Variants in CNBD1 observed in about 807,000 individuals in gnomAD.
The protein encoded by CNBD1 is cyclic nucleotide binding domain containing 1, also known as cyclic nucleotide-binding domain-containing protein 1.
Under a neutral mutation model 54.4 loss-of-function variants are expected in CNBD1, and 71 were observed. The ratio of observed to expected loss-of-function variants is 1.30; its 90% CI spans 1.08 to 1.59. CNBD1 has a LOEUF of 1.59. CNBD1 is among the 40% of genes most tolerant of loss of function. The pLI is 0.00. For missense variants in CNBD1, 659 were observed against 518.0 expected, an observed-to-expected ratio of 1.27 and a Z score of -2.64; for synonymous variants, 182 against 170.7, an observed-to-expected ratio of 1.07 and a Z score of -0.51.
chr8:87,419,524 A>G (rs529431653), intron 2 of CNBD1, among the ~76,000 whole-genome samples: 66 of 152,068 alleles, frequency 4.3e-4, no homozygotes, highest in African/African-American at 1.5e-3. Context: ...AATTGTTCCT[A>G]TGCCATAAAA....
At chr8:86,933,457 TACA>T (rs1400011018) in intron 3 of CNBD1, among the ~76,000 whole-genome samples, 2 of 152,178 alleles carry the variant, frequency 1.3e-5, no homozygotes, top group African/African-American at 4.8e-5. Flanking sequence ...CAATGTTGAA[TACA>T]ACAAGAAAAG....
chr8:87,220,499 GTT>G (rs111608836), intron 5 of CNBD1, among the ~76,000 whole-genome samples: 1,559 of 126,638 alleles, frequency 0.012, 34 homozygotes, highest in African/African-American at 0.041. Flanking sequence ...AACTGTCCAA[GTT>G]TTTTTTTTTT....
chr8:87,313,643 TTTC>T (rs1403308570), intron 8 of CNBD1, among the ~76,000 whole-genome samples: 4 of 151,962 alleles, frequency 2.6e-5, no homozygotes, highest in Admixed American at 6.6e-5. Flanking sequence ...GTGATGTTTT[TTTC>T]TTCTTCTCAG....
At chr8:87,116,616 G>A (rs960536806) in intron 4 of CNBD1, among the ~76,000 whole-genome samples, 1 of 152,110 alleles carries the variant, frequency 6.6e-6, no homozygotes, top group African/African-American at 2.4e-5. Flanking sequence ...AGAATTAACA[G>A]GTTCAATTTC....
intron 4 of CNBD1, among the ~76,000 whole-genome samples, chr8:87,133,707 A>G (rs866467981): frequency 2.2e-4 from 33 of 152,184 alleles, no homozygotes; most frequent in African/African-American, 7.7e-4. Context: ...AAAAAAAAAA[A>G]AAGCATATTG....
intron 2 of CNBD1, among the ~76,000 whole-genome samples, chr8:86,888,083 G>T (rs1487935237): frequency 1.3e-5 from 2 of 151,996 alleles, no homozygotes; most frequent in Non-Finnish European, 2.9e-5. Context: ...CTCCAAGTTG[G>T]GTTTTTGGAA....
chr8:87,330,099 T>G (rs917844987), intron 8 of CNBD1, among the ~76,000 whole-genome samples: 11 of 151,966 alleles, frequency 7.2e-5, no homozygotes, highest in Non-Finnish European at 8.8e-5. Flanking sequence ...TAATCTAGTT[T>G]TTAATCTAGA....
chr8:87,202,572 G>A (rs1370768984), intron 4 of CNBD1, among the ~76,000 whole-genome samples: 3 of 152,278 alleles, frequency 2.0e-5, no homozygotes, highest in East Asian at 1.9e-4. Flanking sequence ...CCTGCCCCAT[G>A]AGCGTATGCA....
At chr8:87,187,589 A>G (rs1323931141) in intron 4 of CNBD1, among the ~76,000 whole-genome samples, 2 of 152,088 alleles carry the variant, frequency 1.3e-5, no homozygotes, top group Admixed American at 6.6e-5. Flanking sequence ...TCAGTCAGCA[A>G]TCCTGACAAA....
chr8:87,410,065 C>T (rs986191311), intron 2 of CNBD1, among the ~76,000 whole-genome samples: 3 of 151,850 alleles, frequency 2.0e-5, no homozygotes, highest in African/African-American at 4.8e-5. Flanking sequence ...TCCTGTACTA[C>T]ATAAATGGAA....
chr8:87,371,407 G>A (rs1456660075), intron 10 of CNBD1, among the ~76,000 whole-genome samples: 95 of 152,038 alleles, frequency 6.2e-4, no homozygotes, highest in Non-Finnish European at 1.2e-3. Context: ...ATTTCATTGA[G>A]CAGTGGTTTG....
intron 8 of CNBD1, among the ~76,000 whole-genome samples, chr8:87,339,027 G>C (rs1190748009): frequency 8.6e-5 from 13 of 151,980 alleles, no homozygotes; most frequent in African/African-American, 3.1e-4. Flanking sequence ...GCTACAGTTT[G>C]GTATTTCCTT....
chr8:86,971,370 C>A (rs528527844), intron 4 of CNBD1, among the ~76,000 whole-genome samples: 6 of 152,232 alleles, frequency 3.9e-5, no homozygotes, highest in Admixed American at 2.0e-4. Flanking sequence ...TTGCCTCCCA[C>A]CAGGTACCTC....
chr8:87,331,122 A>G (rs1809820503), intron 8 of CNBD1, among the ~76,000 whole-genome samples: 1 of 152,180 alleles, frequency 6.6e-6, no homozygotes, highest in Admixed American at 6.5e-5. Context: ...ACAGGTATAC[A>G]TATGCCATTG....
intron 8 of CNBD1, among the ~76,000 whole-genome samples, chr8:87,346,096 C>A (rs906462767): frequency 6.6e-6 from 1 of 151,774 alleles, no homozygotes; most frequent in Admixed American, 6.6e-5. Flanking sequence ...GGCTGGAATG[C>A]AATGGCGAGA....
chr8:87,401,239 A>G (rs932300295), intron 2 of CNBD1, among the ~76,000 whole-genome samples: 4 of 152,056 alleles, frequency 2.6e-5, no homozygotes, highest in Non-Finnish European at 4.4e-5. Flanking sequence ...CAATAAATCT[A>G]AATCTCACAG....
At chr8:86,989,032 G>A (rs1808676696) in intron 4 of CNBD1, among the ~76,000 whole-genome samples, 1 of 152,154 alleles carries the variant, frequency 6.6e-6, no homozygotes, top group African/African-American at 2.4e-5. Context: ...CACTTTGGGA[G>A]GCTAAGGTGG....
intron 4 of CNBD1, among the ~76,000 whole-genome samples, chr8:87,137,037 T>G (rs1409787166): frequency 8.8e-6 from 1 of 113,124 alleles, no homozygotes; most frequent in Non-Finnish European, 1.6e-5. Context: ...TATATTTATA[T>G]TCTATGTAAA....
At chr8:86,924,523 G>A (rs949933347) in intron 3 of CNBD1, among the ~76,000 whole-genome samples, 1 of 152,136 alleles carries the variant, frequency 6.6e-6, no homozygotes, top group Admixed American at 6.5e-5. Context: ...TGTTCTGTGG[G>A]TGGAAAAAGT....
Sources: gnomAD v4.1 joint callset for allele counts (sites outside exome capture counted in the v4.1 genomes callset) on GRCh38, gnomAD v4.1.1 for gene constraint, MANE v1.5 for transcripts, NCBI Gene and HGNC (gene_info 2026-07-23, HGNC 2026-07-21) for gene names.